The following BTBD7 variants were observed in gnomAD, a reference collection of about 807,000 sequenced individuals.
BTBD7 encodes BTB domain containing 7, also known as BTB/POZ domain-containing protein 7.
BTBD7 carries 38 observed loss-of-function variants against 99.9 expected under a neutral mutation model. That is an observed-to-expected ratio of 0.38 (90% CI 0.29 to 0.50). BTBD7 has a LOEUF of 0.50. Ranked by LOEUF, BTBD7 falls within the 20% of genes least tolerant of loss-of-function variation. The pLI, the probability that BTBD7 is intolerant of heterozygous loss-of-function variation, is 0.93. For synonymous variants in BTBD7, 520 were observed against 511.4 expected (o/e 1.02, Z -0.23); for missense variants, 1,170 against 1,394.6 (o/e 0.84, Z 2.57).
intron 1 of BTBD7, among the ~76,000 whole-genome samples, chr14:93,299,192 C>A (rs549370682): frequency 2.6e-5 from 4 of 152,292 alleles, no homozygotes; most frequent in East Asian, 1.9e-4. Flanking sequence ...TGATGGGTAA[C>A]CCTGACTACA....
chr14:93,245,005 A>G (rs1024210579), intron 10 of BTBD7, among the ~76,000 whole-genome samples: 1 of 151,764 alleles, frequency 6.6e-6, no homozygotes, highest in Non-Finnish European at 1.5e-5. Context: ...GACTACAGGC[A>G]CGTGCTACCA....
At chr14:93,310,770 CTTTT>C (rs56756515) in intron 1 of BTBD7, among the ~76,000 whole-genome samples, 3 of 116,656 alleles carry the variant, frequency 2.6e-5, no homozygotes, top group Admixed American at 1.8e-4. Flanking sequence ...AACCAAAAAA[CTTTT>C]TTTTTTTTTT....
At position 93,238,223 on chromosome 14, in the gene BTBD7, A is replaced by G. The variant is rs1219160944; in HGVS notation, c.*4050T>C. On this transcript the variant is annotated 3_prime_UTR_variant, in exon 11 of 11. Coordinates refer to ENST00000334746, the MANE Select transcript of BTBD7 (RefSeq NM_001002860.4). Reference sequence around the variant, plus strand: ...GCCACAGCATTATAATATTCAAAATATGGAAGATTGACAGTCTGAGGATTT... The same window carrying G: ...GCCACAGCATTATAATATTCAAAATGTGGAAGATTGACAGTCTGAGGATTT... 6.6e-6 allele frequency: 1 copy of G among 152,632 alleles called. No homozygotes were observed. The highest frequency in any genetic ancestry group is 1.5e-5 in the Non-Finnish European group (1 of 68,040). 9.5% of individuals were successfully genotyped at this position (152,632 alleles called of 1,614,324 possible).
chr14:93,293,748 A>G (rs1037515060), intron 3 of BTBD7, 110 bp downstream of exon 3: 2 of 1,381,484 alleles, frequency 1.4e-6, no homozygotes, highest in Non-Finnish European at 1.9e-6. Context: ...AAAAAAACTG[A>G]CCCTGTAACA....
chr14:93,241,970 T>C lies in BTBD7; in HGVS notation c.*303A>G. On this transcript the variant is annotated 3_prime_UTR_variant, in exon 11 of 11. Coordinates refer to ENST00000334746, the MANE Select transcript of BTBD7 (RefSeq NM_001002860.4). Reference sequence around the variant, plus strand: ...AAAATCAATACAGAGAAAATAAATGTACAAGTGCAAAAAAATTCCATCATT... The same window carrying C: ...AAAATCAATACAGAGAAAATAAATGCACAAGTGCAAAAAAATTCCATCATT... 1 of 424,376 alleles carries C rather than the reference T, an allele frequency of 2.4e-6. No individual in the cohort carries two copies. Among genetic ancestry groups the C allele is most frequent in the Non-Finnish European group, 4.2e-6 (1 of 240,278 alleles). 26.3% of individuals were successfully genotyped at this position (424,376 alleles called of 1,614,324 possible). A position where few individuals can be genotyped will look rare whatever the true frequency, so the allele number is the denominator to read the frequency against.
chr14:93,302,444 C>T (rs761581912), intron 1 of BTBD7, among the ~76,000 whole-genome samples: 1 of 152,020 alleles, frequency 6.6e-6, no homozygotes, highest in East Asian at 1.9e-4. Context: ...TCAGAGGGGA[C>T]GACAGAACAC....
chr14:93,288,908 G>C (rs1048286718), intron 3 of BTBD7, among the ~76,000 whole-genome samples: 1 of 152,058 alleles, frequency 6.6e-6, no homozygotes, highest in Non-Finnish European at 1.5e-5. Flanking sequence ...TTCACCATAG[G>C]GTTTCACATA....
chr14:93,310,867 T>C (rs969285757), intron 1 of BTBD7, among the ~76,000 whole-genome samples: 5 of 151,842 alleles, frequency 3.3e-5, no homozygotes, highest in African/African-American at 1.2e-4. Context: ...ATTCCCTTTT[T>C]TTGATATTAA....
chr14:93,283,022 A>C (rs1280263338), intron 3 of BTBD7, among the ~76,000 whole-genome samples: 1 of 152,216 alleles, frequency 6.6e-6, no homozygotes, highest in East Asian at 1.9e-4. Flanking sequence ...TTATTATCAG[A>C]GAAAAGGTTT....
intron 1 of BTBD7, among the ~76,000 whole-genome samples, chr14:93,304,834 T>A (rs1272914510): frequency 1.3e-5 from 2 of 152,246 alleles, no homozygotes; most frequent in African/African-American, 2.4e-5. Context: ...TACTTCTTAT[T>A]GATAAGTTAC....
chr14:93,305,811 G>A (rs1288355824), intron 1 of BTBD7, among the ~76,000 whole-genome samples: 1 of 152,128 alleles, frequency 6.6e-6, no homozygotes, highest in Non-Finnish European at 1.5e-5. Context: ...GAGGGTGGGA[G>A]GTCCAAGACC....
chr14:93,290,511 CTTTT>C (rs10548430), intron 3 of BTBD7, among the ~76,000 whole-genome samples: 80 of 76,542 alleles, frequency 1.0e-3, no homozygotes, highest in African/African-American at 1.7e-3. Context: ...TGCACTTGGC[CTTTT>C]TTTTTTTTTT....
intron 1 of BTBD7, among the ~76,000 whole-genome samples, chr14:93,329,363 C>T (rs576979512): frequency 6.6e-6 from 1 of 150,988 alleles, no homozygotes; most frequent in East Asian, 1.9e-4. Flanking sequence ...AAAAAAAAAC[C>T]CAAACAGCAA....
At chr14:93,278,670 G>GTTCCC (rs2052682856) in intron 3 of BTBD7, among the ~76,000 whole-genome samples, 1 of 152,196 alleles carries the variant, frequency 6.6e-6, no homozygotes, top group Non-Finnish European at 1.5e-5. Context: ...TAAAAAAGTA[G>GTTCCC]AGTGGAAGTA....
At chr14:93,290,511 CTTTTTTTTTTTT>C (rs10548430) in intron 3 of BTBD7, among the ~76,000 whole-genome samples, 3 of 76,546 alleles carry the variant, frequency 3.9e-5, no homozygotes, top group East Asian at 4.3e-4. Flanking sequence ...TGCACTTGGC[CTTTTTTTTTTTT>C]TTTTTTTTTT....
At chr14:93,326,730 G>A (rs2053338379) in intron 1 of BTBD7, among the ~76,000 whole-genome samples, 1 of 150,468 alleles carries the variant, frequency 6.6e-6, no homozygotes, top group South Asian at 2.1e-4. Flanking sequence ...CTTGAACCTG[G>A]GAGGCAGCAG....
At chr14:93,243,921 C>T in intron 10 of BTBD7, 1 of 160,956 alleles carries the variant, frequency 6.2e-6, no homozygotes, top group Non-Finnish European at 1.4e-5. Context: ...CCAACCTTCG[C>T]CATTCTGGGG....
rs36076608 is a variant in BTBD7 at position 93,241,148 on chromosome 14, CT to C, written c.*1124del. The C allele has an allele frequency of 6.3e-3, 877 of 139,664 alleles. 4 individuals carry two copies. Among genetic ancestry groups the C allele is most frequent in the African/African-American group, 9.0e-3 (341 of 37,814 alleles). The allele number at this position is 139,664 out of a possible 1,614,324, so 8.7% of individuals were successfully genotyped here. On this transcript the variant is annotated 3_prime_UTR_variant, in exon 11 of 11. Coordinates refer to ENST00000334746, the MANE Select transcript of BTBD7 (RefSeq NM_001002860.4). ...TAAGTTACTTCTCTATTTCCACTGC[CT>C]TTTTTTTTTTTTTTGAGACAGGGTC...
At position 93,240,001 on chromosome 14, in the gene BTBD7, A is replaced by G. The variant is rs935312467; in HGVS notation, c.*2272T>C. Reference sequence around the variant, plus strand: ...ACATATGTGGCAGAAACACACATCAAGGAACATGACGGCATTCACTTTTGT... The same window carrying G: ...ACATATGTGGCAGAAACACACATCAGGGAACATGACGGCATTCACTTTTGT... On this transcript the variant is annotated 3_prime_UTR_variant, in exon 11 of 11. Coordinates refer to ENST00000334746, the MANE Select transcript of BTBD7 (RefSeq NM_001002860.4). The G allele has an allele frequency of 6.6e-6, 1 of 152,134 alleles. No individual in the cohort carries two copies. The highest frequency in any genetic ancestry group is 2.4e-5 in the African/African-American group (1 of 41,436). 9.4% of individuals were successfully genotyped at this position (152,134 alleles called of 1,614,324 possible).
Sources: gnomAD v4.1 joint callset for allele counts (sites outside exome capture counted in the v4.1 genomes callset) on GRCh38, gnomAD v4.1.1 for gene constraint, MANE v1.5 for transcripts, NCBI Gene and HGNC (gene_info 2026-07-23, HGNC 2026-07-21) for gene names.